The following ECT2L variants were observed in gnomAD, a reference collection of about 807,000 sequenced individuals.
The protein encoded by ECT2L is epithelial cell transforming 2 like, also known as epithelial cell-transforming sequence 2 oncogene-like.
ECT2L carries 126 observed loss-of-function variants against 122.8 expected under a neutral mutation model. The ratio of observed to expected loss-of-function variants is 1.03; its 90% CI spans 0.89 to 1.19. The LOEUF is 1.19. Ranked by LOEUF, ECT2L falls within the 50% of genes most tolerant of loss-of-function variation. ECT2L has a pLI of 0.00. For missense variants in ECT2L, 1,012 were observed against 1,064.1 expected, an observed-to-expected ratio of 0.95 and a Z score of 0.68; for synonymous variants, 385 against 381.8, an observed-to-expected ratio of 1.01 and a Z score of -0.10.
rs555517943 is a variant in ECT2L, at chr6:138,869,672, T to C, written c.1578+1466T>C. 2.0e-5 allele frequency among the ~76,000 whole-genome samples: 3 copies of C among 152,318 alleles called. No individual in the cohort carries two copies. The East Asian group carries it at 5.8e-4, about 29-fold the overall frequency. ...GCTTGGTGTCAGTTCAGTGTACTTA[T>C]TTCCACCTAATTATTTAAAAATAAC... is the stretch of plus-strand genomic sequence containing the variant. On this transcript the variant is annotated intron_variant, in intron 13 of 21. Transcript: ENST00000541398.
chr6:138,816,561 T>C (rs936976594), intron 4 of ECT2L, among the ~76,000 whole-genome samples: 4 of 152,134 alleles, frequency 2.6e-5, no homozygotes, highest in African/African-American at 9.7e-5. Flanking sequence ...CTCAGCTCAC[T>C]GCAAGCTCTG....
At chr6:138,843,514 T>G (rs1777115569) in intron 6 of ECT2L, among the ~76,000 whole-genome samples, 1 of 152,118 alleles carries the variant, frequency 6.6e-6, no homozygotes, top group Non-Finnish European at 1.5e-5. Flanking sequence ...TAAAGATGTT[T>G]GAACATGGGG....
intron 8 of ECT2L, 59 bp from the exon 9 acceptor site, chr6:138,849,210 T>C (rs1475330777): frequency 2.1e-6 from 3 of 1,408,414 alleles, no homozygotes; most frequent in Non-Finnish European, 1.9e-6. Flanking sequence ...ATTTCTTTCA[T>C]TAATAAATAT....
rs1778843962 is a variant in ECT2L at position 138,886,922 on chromosome 6, T to C, written c.2325T>C (p.Pro775=). 4 of 1,611,262 alleles carry C rather than the reference T, an allele frequency of 2.5e-6. No individual in the cohort carries two copies. The highest frequency in any genetic ancestry group is 3.4e-6 in the Non-Finnish European group (4 of 1,178,114). ...SDIQRIIWGC[P]TLSEVNRYLI... is the part of the protein sequence containing the mutation. The stretch of plus-strand genomic sequence containing the variant: ...TACAGAGAATCATCTGGGGATGCCC[T>C]GTATGTATTCTTAGGAACTTGCTGT... The change falls in exon 19 of 22, where the codon CCT becomes CCC. Residue 775 remains proline (P), a splice_region_variant and synonymous_variant. Transcript: ENST00000541398.
At chr6:138,890,554 G>GA (rs1778989900) in intron 20 of ECT2L, among the ~76,000 whole-genome samples, 1 of 126,938 alleles carries the variant, frequency 7.9e-6, no homozygotes, top group Non-Finnish European at 1.6e-5. Context: ...TACAATGATG[G>GA]AAAGAAACTA....
chr6:138,895,527 A>T (rs988688954), intron 20 of ECT2L, among the ~76,000 whole-genome samples: 16 of 152,132 alleles, frequency 1.1e-4, no homozygotes, highest in Non-Finnish European at 1.8e-4. Context: ...AGCCTTCCTC[A>T]TAATAATCTC....
At chr6:138,804,647 A>G (rs1034295664) in intron 1 of ECT2L, among the ~76,000 whole-genome samples, 2 of 152,112 alleles carry the variant, frequency 1.3e-5, no homozygotes, top group African/African-American at 4.8e-5. Context: ...ATTGCATTGA[A>G]TCTGTAGATC....
At chr6:138,815,333 T>C (rs1776030374) in intron 4 of ECT2L, among the ~76,000 whole-genome samples, 1 of 152,228 alleles carries the variant, frequency 6.6e-6, no homozygotes, top group South Asian at 2.1e-4. Context: ...GCCAGATGAA[T>C]GTTAGAAACG....
At chr6:138,819,834 C>T (rs1018230742) in intron 4 of ECT2L, among the ~76,000 whole-genome samples, 7 of 151,928 alleles carry the variant, frequency 4.6e-5, no homozygotes, top group African/African-American at 1.7e-4. Context: ...TTGCAGTGAA[C>T]TGAGATCGCA....
chr6:138,816,476 T>A (rs1166726747), intron 4 of ECT2L, among the ~76,000 whole-genome samples: 2 of 152,170 alleles, frequency 1.3e-5, no homozygotes, highest in African/African-American at 4.8e-5. Flanking sequence ...AATGTTAGTA[T>A]AAATTTCCTT....
At chr6:138,867,073 C>T (rs924122066) in intron 12 of ECT2L, among the ~76,000 whole-genome samples, 3 of 145,980 alleles carry the variant, frequency 2.1e-5, no homozygotes, top group Non-Finnish European at 4.5e-5. Context: ...GACCCTGTCT[C>T]AAAAAAAACA....
chr6:138,842,740 C>G (rs959749124), intron 5 of ECT2L, among the ~76,000 whole-genome samples: 2 of 152,062 alleles, frequency 1.3e-5, no homozygotes, highest in Admixed American at 1.3e-4. Context: ...CCACTGCACT[C>G]CAGCCTGGGC....
Position 138,835,561 on chromosome 6 carries a change from A to G in ECT2L, c.180-2791A>G, listed in dbSNP as rs1023609365. On this transcript the variant is annotated intron_variant, in intron 4 of 21. Coordinates refer to ENST00000541398, the MANE Select transcript of ECT2L (RefSeq NM_001077706.3). ...AGCCAGGCCCTGTCTCAAAAAAAAA[A>G]AAAAAAATAGTTAACAGTTTAATAG... is the stretch of plus-strand genomic sequence containing the variant. 1.6e-4 allele frequency among the ~76,000 whole-genome samples: 25 copies of G among 152,100 alleles called. 1 individual carries two copies. Among genetic ancestry groups the G allele is most frequent in the African/African-American group, 6.0e-4 (25 of 41,406 alleles).
intron 4 of ECT2L, among the ~76,000 whole-genome samples, chr6:138,828,374 T>G (rs1776529735): frequency 6.6e-6 from 1 of 152,232 alleles, no homozygotes; most frequent in Non-Finnish European, 1.5e-5. Flanking sequence ...TTCTCCCTTG[T>G]CTTGTAGGGT....
At chr6:138,833,042 G>C (rs765585281) in intron 4 of ECT2L, among the ~76,000 whole-genome samples, 37 of 152,096 alleles carry the variant, frequency 2.4e-4, no homozygotes, top group Non-Finnish European at 3.1e-4. Flanking sequence ...GAGAGAAAAG[G>C]AGGAACTGTC....
chr6:138,897,577 T>C (rs922077210), intron 20 of ECT2L, among the ~76,000 whole-genome samples: 1 of 152,184 alleles, frequency 6.6e-6, no homozygotes, highest in Non-Finnish European at 1.5e-5. Flanking sequence ...TTAGAGTTTT[T>C]GGTGTTTGGT....
At chr6:138,828,415 C>A (rs940508407) in intron 4 of ECT2L, among the ~76,000 whole-genome samples, 3 of 152,162 alleles carry the variant, frequency 2.0e-5, no homozygotes, top group Admixed American at 2.0e-4. Flanking sequence ...CTGATTGTAA[C>A]CTTCTGCCTC....
At chr6:138,853,918 C>T in intron 9 of ECT2L, 108 bp from the exon 10 acceptor site, 7 of 1,278,440 alleles carry the variant, frequency 5.5e-6, no homozygotes, top group Middle Eastern at 2.8e-4. Context: ...CTTGGTCTTG[C>T]AGGCAGATGG....
At chr6:138,823,090 C>T in intron 4 of ECT2L, 6 of 1,568,556 alleles carry the variant, frequency 3.8e-6, no homozygotes, top group Non-Finnish European at 5.2e-6. Context: ...TGCAAAATAA[C>T]TTCAGCCTTG....
Sources: gnomAD v4.1 joint callset for allele counts (sites outside exome capture counted in the v4.1 genomes callset) on GRCh38, gnomAD v4.1.1 for gene constraint, MANE v1.5 for transcripts, NCBI Gene and HGNC (gene_info 2026-07-23, HGNC 2026-07-21) for gene names.